Variants in NLGN4X observed in about 807,000 individuals in gnomAD.
NLGN4X encodes neuroligin 4 X-linked, also known as neuroligin-4, X-linked.
NLGN4X carries 3 observed loss-of-function variants against 40.3 expected under a neutral mutation model. The ratio of observed to expected loss-of-function variants is 0.07; its 90% CI spans 0.03 to 0.19. NLGN4X has a LOEUF of 0.19. Among genes scored for constraint, NLGN4X ranks in the 10% least tolerant of loss-of-function variants. NLGN4X has a pLI of 1.00. For synonymous variants in NLGN4X, 270 were observed against 306.8 expected (o/e 0.88, Z 1.25); for missense variants, 382 against 708.3 (o/e 0.54, Z 5.23).
At chrX:6,009,502 G>C (rs901995411) in intron 3 of NLGN4X, among the ~76,000 whole-genome samples, 1 of 112,299 alleles carries the variant, frequency 8.9e-6, no homozygotes, top group Non-Finnish European at 1.9e-5. Flanking sequence ...GATTTCTTGT[G>C]TATTATTGAG....
intron 4 of NLGN4X, among the ~76,000 whole-genome samples, chrX:5,908,664 T>C (rs1329110930): frequency 8.9e-6 from 1 of 111,992 alleles, no homozygotes. Flanking sequence ...ATCCCAGCAC[T>C]TTGAGAGGCC....
intron 2 of NLGN4X, among the ~76,000 whole-genome samples, chrX:6,094,120 C>T (rs1013878050): frequency 9.0e-6 from 1 of 111,328 alleles, no homozygotes; most frequent in Admixed American, 9.6e-5. Flanking sequence ...ACAAATCTCA[C>T]TTAACACTTA....
chrX:6,168,087 G>A (rs1046904776), intron 1 of NLGN4X, among the ~76,000 whole-genome samples: 2 of 111,620 alleles, frequency 1.8e-5, no homozygotes, highest in South Asian at 3.7e-4. Context: ...CTTTCACTCC[G>A]GCCTATTCTT....
At chrX:6,096,453 G>A (rs915900506) in intron 2 of NLGN4X, among the ~76,000 whole-genome samples, 2 of 111,322 alleles carry the variant, frequency 1.8e-5, no homozygotes, top group Admixed American at 9.6e-5. Context: ...ATAGCCTCAA[G>A]ATTAACCTTT....
At chrX:6,217,638 C>T (rs1450323913) in intron 1 of NLGN4X, among the ~76,000 whole-genome samples, 1 of 111,586 alleles carries the variant, frequency 9.0e-6, no homozygotes, top group African/African-American at 3.3e-5. Context: ...TATTGATTCC[C>T]TCACTAGGGT....
At chrX:6,159,953 G>T (rs2040350086) in intron 1 of NLGN4X, among the ~76,000 whole-genome samples, 1 of 111,162 alleles carries the variant, frequency 9.0e-6, no homozygotes, top group Non-Finnish European at 1.9e-5. Flanking sequence ...ATTTCTTTCA[G>T]TTGCAGTCAG....
intron 3 of NLGN4X, among the ~76,000 whole-genome samples, chrX:5,969,248 G>A (rs181831237): frequency 0.013 from 1,442 of 111,147 alleles, 15 homozygotes; most frequent in Non-Finnish European, 0.019. Context: ...CCTACAAAAT[G>A]GGAGAAAATT....
intron 2 of NLGN4X, among the ~76,000 whole-genome samples, chrX:6,119,216 G>A (rs1421165546): frequency 3.6e-5 from 4 of 111,807 alleles, no homozygotes; most frequent in African/African-American, 1.3e-4. Flanking sequence ...GGTATTTGTT[G>A]AATGAATGAT....
chrX:6,114,781 C>T (rs2039240892), intron 2 of NLGN4X, among the ~76,000 whole-genome samples: 1 of 110,890 alleles, frequency 9.0e-6, no homozygotes, highest in Non-Finnish European at 1.9e-5. Context: ...ATTATTCCAT[C>T]CTTAGGGGAA....
At chrX:5,916,626 A>G (rs2032806856) in intron 3 of NLGN4X, among the ~76,000 whole-genome samples, 1 of 110,213 alleles carries the variant, frequency 9.1e-6, no homozygotes, top group African/African-American at 3.3e-5. Flanking sequence ...ATTTTTGTAT[A>G]TTTTGTAGAG....
chrX:6,096,946 C>CGTGTGTGT (rs35895741), intron 2 of NLGN4X, among the ~76,000 whole-genome samples: 9 of 100,562 alleles, frequency 8.9e-5, no homozygotes, highest in African/African-American at 3.3e-4. Context: ...ATTTTCATAT[C>CGTGTGTGT]GTGTGTGTGT....
rs778670886 is a variant in NLGN4X, at chrX:6,050,309, G to A, written c.473-20877C>T. Among the ~76,000 whole-genome samples, 12 of 111,639 alleles carry A rather than the reference G, an allele frequency of 1.1e-4. No homozygotes were observed. In the East Asian group the frequency reaches 3.4e-3, roughly 32 times the overall value. On this transcript the variant is annotated intron_variant, in intron 2 of 5. Coordinates refer to ENST00000381095, the MANE Select transcript of NLGN4X (RefSeq NM_181332.3). ...TGGATTGATACATAGGGATTAAGAG[G>A]TCTATCTATCCATCTCTACCATCTA...
Position 6,156,596 on chromosome X carries a change from GTTAA to G in NLGN4X, c.-305-4829_-305-4826del, listed in dbSNP as rs1258668389. 2.3e-4 allele frequency among the ~76,000 whole-genome samples: 26 copies of G among 112,275 alleles called. No homozygotes were observed. The Admixed American group carries it at 2.5e-3, about 11-fold the overall frequency. On this transcript the variant is annotated intron_variant, in intron 1 of 5. Transcript: ENST00000381095. The stretch of plus-strand genomic sequence containing the variant: ...ATGCAGCTGGAAGCCATTATTTTAA[GTTAA>G]TTAATGCAGAAACAGAAAATCAAAT...
intron 1 of NLGN4X, among the ~76,000 whole-genome samples, chrX:6,219,149 A>ATGTG (rs764532558): frequency 1.1e-4 from 10 of 87,323 alleles, no homozygotes; most frequent in Non-Finnish European, 2.4e-4. Context: ...ATATATATGT[A>ATGTG]TGTGTGTGTG....
chrX:5,950,644 A>G (rs1319614949), intron 3 of NLGN4X, among the ~76,000 whole-genome samples: 1 of 112,304 alleles, frequency 8.9e-6, no homozygotes, highest in African/African-American at 3.2e-5. Context: ...GTGTATAACC[A>G]TAAGGACTCT....
At chrX:6,102,370 GA>G (rs2038928763) in intron 2 of NLGN4X, among the ~76,000 whole-genome samples, 1 of 111,060 alleles carries the variant, frequency 9.0e-6, no homozygotes, top group Non-Finnish European at 1.9e-5. Context: ...TGGAGGTAAT[GA>G]GGTCATGACA....
At chrX:6,052,197 C>CCGACA (rs1215455895) in intron 2 of NLGN4X, among the ~76,000 whole-genome samples, 3 of 110,920 alleles carry the variant, frequency 2.7e-5, no homozygotes, top group Non-Finnish European at 5.7e-5. Context: ...TGCTGCCCAG[C>CCGACA]CGACACCTTG....
chrX:6,032,856 A>G (rs1231556955), intron 2 of NLGN4X: 4 of 440,195 alleles, frequency 9.1e-6, no homozygotes, highest in African/African-American at 2.5e-5. Context: ...AAAAAGAAAA[A>G]AAGAAAAGAA....
chrX:6,079,099 T>C (rs942487065), intron 2 of NLGN4X, among the ~76,000 whole-genome samples: 4 of 76,681 alleles, frequency 5.2e-5, no homozygotes, highest in African/African-American at 1.5e-4. Context: ...CAATTAAACC[T>C]CTTCCTTTAT....
Sources: allele counts gnomAD v4.1 joint callset (sites outside exome capture counted in the v4.1 genomes callset), GRCh38; gene constraint gnomAD v4.1.1; transcripts MANE v1.5; gene names NCBI Gene and HGNC (gene_info 2026-07-23, HGNC 2026-07-21).